ZFPM2: variants seen among roughly 807,000 people sequenced by gnomAD.
ZFPM2 encodes zinc finger protein, FOG family member 2.
Under a neutral mutation model 98.6 loss-of-function variants are expected in ZFPM2, and 20 were observed. That is an observed-to-expected ratio of 0.20 (90% CI 0.14 to 0.29). The LOEUF is 0.29. Ranked by LOEUF, ZFPM2 falls within the 10% of genes least tolerant of loss-of-function variation. ZFPM2 has a pLI of 1.00. For synonymous variants in ZFPM2, 518 were observed against 502.7 expected, an observed-to-expected ratio of 1.03 and a Z score of -0.41; for missense variants, 1,310 against 1,388.6, an observed-to-expected ratio of 0.94 and a Z score of 0.90.
intron 3 of ZFPM2, among the ~76,000 whole-genome samples, chr8:105,457,831 C>G (rs1276636932): frequency 6.6e-6 from 1 of 152,138 alleles, no homozygotes; most frequent in Admixed American, 6.5e-5. Context: ...ACTCTCATAC[C>G]TGAGGAAAGG....
intron 5 of ZFPM2, among the ~76,000 whole-genome samples, chr8:105,773,400 A>T (rs947659096): frequency 7.9e-5 from 12 of 152,144 alleles, no homozygotes; most frequent in Non-Finnish European, 1.8e-4. Flanking sequence ...ATAGACCATT[A>T]TGAAAGTTTT....
intron 1 of ZFPM2, among the ~76,000 whole-genome samples, chr8:105,366,589 T>A (rs1011248943): frequency 1.3e-5 from 2 of 151,876 alleles, no homozygotes; most frequent in East Asian, 3.9e-4. Context: ...TACATATGTA[T>A]ACATGTGCCA....
chr8:105,557,361 C>G (rs1374825908), intron 3 of ZFPM2, among the ~76,000 whole-genome samples: 1 of 152,114 alleles, frequency 6.6e-6, no homozygotes, highest in Non-Finnish European at 1.5e-5. Flanking sequence ...TACTTGCCTA[C>G]CTAAAATCAC....
At chr8:105,732,045 T>G (rs539697315) in intron 5 of ZFPM2, among the ~76,000 whole-genome samples, 12 of 151,820 alleles carry the variant, frequency 7.9e-5, no homozygotes, top group African/African-American at 2.9e-4. Flanking sequence ...CAAAAAGATA[T>G]GAGAGGGTTT....
At chr8:105,670,114 T>C (rs1270344754) in intron 5 of ZFPM2, 3 of 152,214 alleles carry the variant, frequency 2.0e-5, no homozygotes, top group East Asian at 3.9e-4. Flanking sequence ...TATTATTTCA[T>C]ATGTGAGATA....
chr8:105,383,786 C>T (rs758976158), intron 1 of ZFPM2, among the ~76,000 whole-genome samples: 5 of 152,110 alleles, frequency 3.3e-5, no homozygotes, highest in Admixed American at 1.3e-4. Context: ...CCACTTGGAG[C>T]TCCTGCTGGA....
intron 3 of ZFPM2, among the ~76,000 whole-genome samples, chr8:105,512,986 T>C (rs1813847599): frequency 6.6e-6 from 1 of 152,148 alleles, no homozygotes; most frequent in Non-Finnish European, 1.5e-5. Flanking sequence ...TGCGAGTCTT[T>C]AAAGGTATTA....
chr8:105,484,814 A>G (rs1229331404), intron 3 of ZFPM2, among the ~76,000 whole-genome samples: 4 of 152,154 alleles, frequency 2.6e-5, no homozygotes, highest in Non-Finnish European at 5.9e-5. Context: ...ATCTATGGAA[A>G]TTGTGGGTGG....
chr8:105,735,443 AC>A (rs2131022211), intron 5 of ZFPM2, among the ~76,000 whole-genome samples: 1 of 151,946 alleles, frequency 6.6e-6, no homozygotes, highest in Admixed American at 6.6e-5. Flanking sequence ...ATTTATAAAA[AC>A]AACTCAGTTT....
At chr8:105,629,460 A>G (rs1816717784) in intron 4 of ZFPM2, among the ~76,000 whole-genome samples, 1 of 152,224 alleles carries the variant, frequency 6.6e-6, no homozygotes, top group Admixed American at 6.5e-5. Flanking sequence ...ACTGTAATCA[A>G]TAAATGTGGA....
rs751003280 is a variant in ZFPM2, at chr8:105,800,906, A to AAAAC, written c.965-139_965-136dup. 5 of 764,104 alleles carry AAAAC rather than the reference A, an allele frequency of 6.5e-6. No homozygotes were observed. The African/African-American group carries it at 7.0e-5, about 11-fold the overall frequency. The allele number at this position is 764,104 out of a possible 1,614,324, so 47.3% of individuals were successfully genotyped here. A position where few individuals can be genotyped will look rare whatever the true frequency, so the allele number is the denominator to read the frequency against. On this transcript the variant is annotated intron_variant, in intron 7 of 7. Coordinates refer to ENST00000407775, the MANE Select transcript of ZFPM2 (RefSeq NM_012082.4). The stretch of plus-strand genomic sequence containing the variant: ...CATACACAGTAAGAGATGTCACAAG[A>AAAAC]AAACAGTTAATATCACGAATGAAAT...
At chr8:105,398,641 A>G (rs552187866) in intron 1 of ZFPM2, among the ~76,000 whole-genome samples, 25 of 152,238 alleles carry the variant, frequency 1.6e-4, no homozygotes, top group African/African-American at 6.0e-4. Context: ...CACAGTTCAC[A>G]CTAGGGTTCA....
intron 2 of ZFPM2, among the ~76,000 whole-genome samples, chr8:105,425,985 GTC>G (rs1388744552): frequency 6.6e-6 from 1 of 152,014 alleles, no homozygotes; most frequent in Non-Finnish European, 1.5e-5. Context: ...AGTTCAGAAA[GTC>G]TATTTTGCTA....
rs536617993 is a variant in ZFPM2 at position 105,380,676 on chromosome 8, TTA to T, written c.41-38458_41-38457del. On this transcript the variant is annotated intron_variant, in intron 1 of 7. Coordinates refer to ENST00000407775, the MANE Select transcript of ZFPM2 (RefSeq NM_012082.4). The stretch of plus-strand genomic sequence containing the variant: ...ATATATATTATATATAACATATATA[TTA>T]TATATATATTATATATAACATATAT... Among the ~76,000 whole-genome samples the T allele has an allele frequency of 8.5e-4, 12 of 14,198 alleles. 2 individuals are homozygous for T. Among genetic ancestry groups the T allele is most frequent in the South Asian group, 3.2e-3 (2 of 632 alleles). The allele number at this position is 14,198 out of a possible 152,430, so 9.3% of individuals were successfully genotyped here.
intron 4 of ZFPM2, among the ~76,000 whole-genome samples, chr8:105,625,971 G>A (rs17218551): frequency 0.21 from 28,481 of 138,376 alleles, 2,836 homozygotes; most frequent in South Asian, 0.27. Context: ...CTATTTTCTG[G>A]AAAAAAAAAA....
intron 1 of ZFPM2, among the ~76,000 whole-genome samples, chr8:105,351,364 T>C (rs2129712758): frequency 6.6e-6 from 1 of 151,044 alleles, no homozygotes; most frequent in African/African-American, 2.4e-5. Context: ...CGTGTGTGTG[T>C]GTGTGTGTGT....
At chr8:105,561,904 G>GT (rs2130700404) in intron 4 of ZFPM2, among the ~76,000 whole-genome samples, 1 of 152,258 alleles carries the variant, frequency 6.6e-6, no homozygotes, top group East Asian at 1.9e-4. Context: ...GCAGGGATGA[G>GT]TGGTCAGCAT....
At chr8:105,617,989 A>G (rs886245365) in intron 4 of ZFPM2, among the ~76,000 whole-genome samples, 14 of 152,126 alleles carry the variant, frequency 9.2e-5, no homozygotes, top group African/African-American at 3.1e-4. Context: ...TAGTATCTCA[A>G]CTAGACTTAC....
chr8:105,572,104 C>G (rs1428223044), intron 4 of ZFPM2, among the ~76,000 whole-genome samples: 4 of 136,008 alleles, frequency 2.9e-5, no homozygotes, highest in African/African-American at 1.1e-4. Context: ...ATGGTGCGAT[C>G]TCATCTCACT....
Sources: gnomAD v4.1 joint callset for allele counts (sites outside exome capture counted in the v4.1 genomes callset) on GRCh38, gnomAD v4.1.1 for gene constraint, MANE v1.5 for transcripts, NCBI Gene and HGNC (gene_info 2026-07-23, HGNC 2026-07-21) for gene names.